The following ARL6IP1 variants were observed in gnomAD, a reference collection of about 807,000 sequenced individuals.
ARL6IP1 encodes the protein ADP-ribosylation factor-like protein 6-interacting protein 1.
A neutral mutation model predicts 30.1 loss-of-function variants in ARL6IP1; 16 were observed. The ratio of observed to expected loss-of-function variants is 0.53; its 90% CI spans 0.36 to 0.81. ARL6IP1 has a LOEUF of 0.81. ARL6IP1 is among the 30% of genes least tolerant of loss of function. ARL6IP1 has a pLI of 0.01. For missense variants in ARL6IP1, 173 were observed against 242.7 expected (o/e 0.71, Z 1.91); for synonymous variants, 72 against 84.8 (o/e 0.85, Z 0.83).
chr16:18,795,117 C>T (rs11641643), intron 4 of ARL6IP1: 30 of 215,586 alleles, frequency 1.4e-4, no homozygotes, highest in East Asian at 8.6e-4. Context: ...ACTGCAGCCT[C>T]GACCTCCAGG....
chr16:18,799,657 T>C (rs934359969), intron 1 of ARL6IP1, among the ~76,000 whole-genome samples: 2 of 152,220 alleles, frequency 1.3e-5, no homozygotes, highest in African/African-American at 2.4e-5. Flanking sequence ...CTTTGTGTAA[T>C]GGAATCACTC....
intron 5 of ARL6IP1, among the ~76,000 whole-genome samples, chr16:18,793,873 C>G (rs574176457): frequency 6.6e-6 from 1 of 152,320 alleles, no homozygotes; most frequent in African/African-American, 2.4e-5. Context: ...TGCCGCCACG[C>G]CTGGCTAATT....
chr16:18,796,824 C>G (rs757300343), intron 3 of ARL6IP1, among the ~76,000 whole-genome samples: 1 of 152,144 alleles, frequency 6.6e-6, no homozygotes, highest in Non-Finnish European at 1.5e-5. Context: ...CCATAAGGTA[C>G]ACATTTAAAA....
In ARL6IP1 at chr16:18,799,165, G is replaced by A. The variant is rs189296184; in HGVS notation, c.37-331C>T. ...CTCCTGAGTAGTTGGGACTATAGGC[G>A]CCCGCCACCACGCCCGACTAATTTT... On this transcript the variant is annotated intron_variant, in intron 1 of 5. Coordinates refer to ENST00000304414, the MANE Select transcript of ARL6IP1 (RefSeq NM_015161.3). Among the ~76,000 whole-genome samples, 252 of 152,138 alleles carry A rather than the reference G, an allele frequency of 1.7e-3. 1 individual carries two copies. Among genetic ancestry groups the A allele is most frequent in the Middle Eastern group, 6.8e-3 (2 of 294 alleles).
At chr16:18,793,418 C>A in intron 5 of ARL6IP1, 48 bp from the exon 6 acceptor site, 2 of 1,028,968 alleles carry the variant, frequency 1.9e-6, no homozygotes, top group Non-Finnish European at 1.4e-6. Context: ...AATTAACCTG[C>A]TAAAGGTTAT....
At position 18,798,062 on chromosome 16, in the gene ARL6IP1, A is replaced by G. The variant is rs1404146392; in HGVS notation, c.171-18T>C. 1.9e-6 allele frequency: 3 copies of G among 1,565,854 alleles called. No homozygotes were observed. Among genetic ancestry groups the G allele is most frequent in the Non-Finnish European group, 1.7e-6 (2 of 1,159,178 alleles). ...AGATAATCCTGTTAAAAAAATTAAT[A>G]AAGGTTAGAAAAACATAGTCATTAT... is the stretch of plus-strand genomic sequence containing the variant. On this transcript the variant is annotated intron_variant, in intron 2 of 5. Transcript: ENST00000304414.
chr16:18,798,087 T>TCCCAGC, intron 2 of ARL6IP1, 43 bp from the exon 3 acceptor site: 1 of 1,528,616 alleles, frequency 6.5e-7, no homozygotes, highest in Non-Finnish European at 8.9e-7. Context: ...ATAGTCATTA[T>TCCCAGC]TATTCCTAAC....
chr16:18,793,983 G>A (rs2030153031), intron 5 of ARL6IP1, among the ~76,000 whole-genome samples: 1 of 151,906 alleles, frequency 6.6e-6, no homozygotes, highest in South Asian at 2.1e-4. Context: ...TATGGCGGTG[G>A]TGGGTGGGGG....
intron 1 of ARL6IP1, 88 bp from the exon 2 acceptor site, chr16:18,798,922 T>C: frequency 1.5e-6 from 2 of 1,367,910 alleles, no homozygotes; most frequent in Non-Finnish European, 1.9e-6. Context: ...AAGCTCCAAA[T>C]ACAAAAAATA....
intron 1 of ARL6IP1, 66 bp downstream of exon 1, chr16:18,801,365 G>A (rs1359035488): frequency 1.3e-6 from 2 of 1,597,704 alleles, no homozygotes; most frequent in East Asian, 4.5e-5. Flanking sequence ...CGAGGCCGCG[G>A]TGTTTGAGCC....
At chr16:18,799,806 ACT>A (rs1211835869) in intron 1 of ARL6IP1, among the ~76,000 whole-genome samples, 1 of 152,138 alleles carries the variant, frequency 6.6e-6, no homozygotes, top group East Asian at 1.9e-4. Flanking sequence ...AATTTCTCTG[ACT>A]CTGAACAGCC....
intron 3 of ARL6IP1, among the ~76,000 whole-genome samples, chr16:18,796,693 G>A (rs1421695970): frequency 2.6e-5 from 4 of 152,188 alleles, no homozygotes; most frequent in Non-Finnish European, 5.9e-5. Flanking sequence ...ATTCATTACT[G>A]CAAGTGAAAA....
rs775458961 is a variant in ARL6IP1 at position 18,793,350 on chromosome 16, G to A, written c.514C>T (p.Pro172Ser). 1 of 1,608,160 alleles carries A rather than the reference G, an allele frequency of 6.2e-7. No individual in the cohort carries two copies. The highest frequency in any genetic ancestry group is 8.5e-7 in the Non-Finnish European group (1 of 1,177,280). Residue 172 changes from proline to serine, a missense_variant, in exon 6 of 6, where the codon CCT (proline) becomes TCT (serine). Coordinates refer to ENST00000304414, the MANE Select transcript of ARL6IP1 (RefSeq NM_015161.3). ...YLIVTSLLLL[P>S]GLNQHGIILK... ...ATGATTCCATGTTGGTTTAGTCCAGGAAGCAATAGTAAGGAAGTCACTTAA... is the reference window on the plus strand; with the variant it reads ...ATGATTCCATGTTGGTTTAGTCCAGAAAGCAATAGTAAGGAAGTCACTTAA...
intron 3 of ARL6IP1, 170 bp downstream of exon 3, chr16:18,797,753 CAT>C (rs1238240866): frequency 5.1e-6 from 4 of 779,188 alleles, no homozygotes; most frequent in Admixed American, 2.9e-5. Flanking sequence ...ACAGAAAATT[CAT>C]AGTTTATATT....
rs1258914504 is a variant in ARL6IP1 at position 18,795,456 on chromosome 16, A to G, written c.408+8T>C. ...TTTACTGTACTTAAGTCAAAGCAAA[A>G]AAAGTACCATCTTAGGTTTTTCTTC... is the stretch of plus-strand genomic sequence containing the variant. On this transcript the variant is annotated splice_region_variant and intron_variant, in intron 4 of 5. Coordinates refer to ENST00000304414, the MANE Select transcript of ARL6IP1 (RefSeq NM_015161.3). The G allele has an allele frequency of 6.2e-7, 1 of 1,604,060 alleles. No individual in the cohort carries two copies. Among genetic ancestry groups the G allele is most frequent in the Non-Finnish European group, 8.5e-7 (1 of 1,174,746 alleles).
chr16:18,793,429 TA>T, intron 5 of ARL6IP1, 59 bp from the exon 6 acceptor site: 2 of 949,842 alleles, frequency 2.1e-6, no homozygotes, highest in Admixed American at 2.9e-5. Flanking sequence ...TAAAGGTTAT[TA>T]CTTTTTTTTT....
chr16:18,792,790 G>T lies in ARL6IP1; in HGVS notation c.*462C>A, dbSNP rs1408722585. 1 of 152,798 alleles carries T rather than the reference G, an allele frequency of 6.5e-6. No individual in the cohort carries two copies. Among genetic ancestry groups the T allele is most frequent in the Non-Finnish European group, 1.5e-5 (1 of 68,140 alleles). 9.5% of individuals were successfully genotyped at this position (152,798 alleles called of 1,614,324 possible). ...TTAATTGGTCTCTTCATCAGAAGTG[G>T]TAAACTTGGTCTCTATATTCACGAA... On this transcript the variant is annotated 3_prime_UTR_variant, in exon 6 of 6. Transcript: ENST00000304414.
chr16:18,792,516 A>T lies in ARL6IP1; in HGVS notation c.*736T>A, dbSNP rs2030096044. The T allele has an allele frequency of 6.6e-6, 1 of 152,214 alleles. No individual in the cohort carries two copies. The highest frequency in any genetic ancestry group is 2.4e-5 in the African/African-American group (1 of 41,442). 9.4% of individuals were successfully genotyped at this position (152,214 alleles called of 1,614,324 possible). ...ATTAAAAGCATGCTAGAAATCCTAA[A>T]TGCAATCTTTTGGAAGTCTGCTATT... On this transcript the variant is annotated 3_prime_UTR_variant, in exon 6 of 6. Coordinates refer to ENST00000304414, the MANE Select transcript of ARL6IP1 (RefSeq NM_015161.3).
chr16:18,795,387 A>T lies in ARL6IP1; in HGVS notation c.408+77T>A, dbSNP rs535222746. The T allele has an allele frequency of 2.6e-5, 24 of 935,816 alleles. No homozygotes were observed. The South Asian group carries it at 3.3e-4, about 13-fold the overall frequency. The allele number at this position is 935,816 out of a possible 1,614,324, so 58.0% of individuals were successfully genotyped here. On this transcript the variant is annotated intron_variant, in intron 4 of 5. Transcript: ENST00000304414. ...TTAACCAATGAATAATTTTCAAATT[A>T]TAGCTATTAAGACAAAAAGGCGAAT...
Sources: gnomAD v4.1 joint callset for allele counts (sites outside exome capture counted in the v4.1 genomes callset) on GRCh38, gnomAD v4.1.1 for gene constraint, MANE v1.5 for transcripts, NCBI Gene and HGNC (gene_info 2026-07-23, HGNC 2026-07-21) for gene names.